The following BTNL9 variants were observed in gnomAD, a reference collection of about 807,000 sequenced individuals.
The protein encoded by BTNL9 is butyrophilin like 9, also known as butyrophilin-like protein 9.
BTNL9 carries 45 observed loss-of-function variants against 45.8 expected under a neutral mutation model. The observed-to-expected ratio is 0.98, with a 90% CI of 0.77 to 1.26. The LOEUF is 1.26. BTNL9 is among the 50% of genes most tolerant of loss of function. The pLI is 0.00. For missense variants in BTNL9, 784 were observed against 729.7 expected, an observed-to-expected ratio of 1.07 and a Z score of -0.86; for synonymous variants, 346 against 330.8, an observed-to-expected ratio of 1.05 and a Z score of -0.50.
chr5:181,054,029 C>T (rs1761736822), intron 6 of BTNL9: 3 of 1,542,720 alleles, frequency 1.9e-6, no homozygotes, highest in Non-Finnish European at 2.6e-6. Flanking sequence ...GGGTCACCCT[C>T]CTATGCAGAA....
At chr5:181,049,772 A>C (rs1047614152) in intron 3 of BTNL9, among the ~76,000 whole-genome samples, 2 of 152,234 alleles carry the variant, frequency 1.3e-5, no homozygotes, top group African/African-American at 4.8e-5. Context: ...ATTAGAATTT[A>C]GGGTGCTGCT....
rs1022271003 is a variant in BTNL9, at chr5:181,054,859, A to G, written c.908-574A>G. Reference sequence around the variant, plus strand: ...ATAGCCCTAATAAGTCATTAAGGCTATAGTCTGAATTGTAAGTCATAACAC... The same window carrying G: ...ATAGCCCTAATAAGTCATTAAGGCTGTAGTCTGAATTGTAAGTCATAACAC... On this transcript the variant is annotated intron_variant, in intron 7 of 10. Transcript: ENST00000327705. 9.1e-6 allele frequency: 9 copies of G among 985,366 alleles called. No homozygotes were observed. The African/African-American group carries it at 1.4e-4, about 15-fold the overall frequency. The allele number at this position is 985,366 out of a possible 1,614,324, so 61.0% of individuals were successfully genotyped here.
At chr5:181,047,182 G>A (rs1181885620) in intron 2 of BTNL9, among the ~76,000 whole-genome samples, 1 of 152,190 alleles carries the variant, frequency 6.6e-6, no homozygotes, top group Non-Finnish European at 1.5e-5. Flanking sequence ...CGTGCGTGCG[G>A]AAGAACTGTG....
rs1762126591 is a variant in BTNL9, at chr5:181,061,291, C to T, written c.*1429C>T. ...GACAACACTTGGTGACTCTAGGTGA[C>T]TGGTCGACAGATGTTCATTGTACTA... On this transcript the variant is annotated 3_prime_UTR_variant, in exon 11 of 11. Transcript: ENST00000327705. The T allele has an allele frequency of 6.6e-6, 1 of 152,162 alleles. No homozygotes were observed. Among genetic ancestry groups the T allele is most frequent in the Admixed American group, 6.5e-5 (1 of 15,284 alleles). The allele number at this position is 152,162 out of a possible 1,614,324, so 9.4% of individuals were successfully genotyped here. A position where few individuals can be genotyped will look rare whatever the true frequency, so the allele number is the denominator to read the frequency against.
At chr5:181,044,202 C>T (rs922781409) in intron 1 of BTNL9, among the ~76,000 whole-genome samples, 1 of 152,188 alleles carries the variant, frequency 6.6e-6, no homozygotes, top group South Asian at 2.1e-4. Flanking sequence ...TGCACACCTC[C>T]TCTGATCCTT....
intron 9 of BTNL9, 92 bp downstream of exon 9, chr5:181,056,107 G>T (rs1761871183): frequency 2.1e-6 from 3 of 1,454,532 alleles, no homozygotes; most frequent in Non-Finnish European, 2.9e-6. Context: ...GCTTCATTCT[G>T]GTTGCATTCC....
chr5:181,056,956 C>T (rs969982722), intron 9 of BTNL9: 19 of 231,650 alleles, frequency 8.2e-5, no homozygotes, highest in Admixed American at 3.3e-4. Flanking sequence ...ATCACTGACC[C>T]ATTTTTCTTA....
chr5:181,045,751 C>T (rs1305615190), intron 2 of BTNL9, among the ~76,000 whole-genome samples, 153 bp downstream of exon 2: 5 of 151,888 alleles, frequency 3.3e-5, no homozygotes, highest in East Asian at 3.9e-4. Context: ...GCCACTACCC[C>T]GAGCATTACC....
Position 181,055,585 on chromosome 5 carries a change from C to T in BTNL9, c.928+132C>T, listed in dbSNP as rs1482502568. 4.8e-6 allele frequency: 5 copies of T among 1,038,410 alleles called. No individual in the cohort carries two copies. The Admixed American group carries it at 9.0e-5, about 19-fold the overall frequency. 64.3% of individuals were successfully genotyped at this position (1,038,410 alleles called of 1,614,324 possible). ...GAGATCGAGACCAGCCTGGCTAACA[C>T]AGTGAAACCCCGTCTCTTCTAAAAA... On this transcript the variant is annotated intron_variant, in intron 8 of 10. Coordinates refer to ENST00000327705, the MANE Select transcript of BTNL9 (RefSeq NM_152547.5). The surrounding 1 kb of genome is among the most constrained non-coding windows in gnomAD (Gnocchi z 4.4).
intron 9 of BTNL9, chr5:181,057,178 T>G (rs1761928787): frequency 6.6e-6 from 1 of 152,188 alleles, no homozygotes; most frequent in Non-Finnish European, 1.5e-5. Context: ...AACTTTTTCT[T>G]TATGGTTTGT....
intron 6 of BTNL9, chr5:181,054,025 C>T: frequency 1.9e-6 from 3 of 1,542,096 alleles, no homozygotes; most frequent in South Asian, 2.4e-5. Flanking sequence ...CGCTGGGTCA[C>T]CCTCCTATGC....
chr5:181,053,372 G>A lies in BTNL9; in HGVS notation c.853+56G>A, dbSNP rs1202985030. 2 of 1,513,286 alleles carry A rather than the reference G, an allele frequency of 1.3e-6. No individual in the cohort carries two copies. The highest frequency in any genetic ancestry group is 2.5e-5 in the East Asian group (1 of 39,792). The allele number at this position is 1,513,286 out of a possible 1,614,324, so 93.7% of individuals were successfully genotyped here. A position where few individuals can be genotyped will look rare whatever the true frequency, so the allele number is the denominator to read the frequency against. On this transcript the variant is annotated intron_variant, in intron 5 of 10. Transcript: ENST00000327705. The surrounding 1 kb of genome is among the most constrained non-coding windows in gnomAD (Gnocchi z 6.5). ...GCACCGGCCGGTGCTGAACCCCGGG[G>A]CCGCGGAGGCGCCTCCCCCCAGGAC... is the stretch of plus-strand genomic sequence containing the variant.
At chr5:181,059,044 TCAAA>T (rs1762023031) in intron 10 of BTNL9, 189 bp from the exon 11 acceptor site, 2 of 507,270 alleles carry the variant, frequency 3.9e-6, no homozygotes, top group Non-Finnish European at 5.1e-6. Flanking sequence ...CTTGTCACTA[TCAAA>T]CACTCAGGAG....
rs999381646 is a variant in BTNL9, at chr5:181,053,396, A to G, written c.854-73A>G. 1.3e-6 allele frequency: 2 copies of G among 1,530,422 alleles called. No homozygotes were observed. Among genetic ancestry groups the G allele is most frequent in the Non-Finnish European group, 8.8e-7 (1 of 1,136,974 alleles). The allele number at this position is 1,530,422 out of a possible 1,614,324, so 94.8% of individuals were successfully genotyped here. A position where few individuals can be genotyped will look rare whatever the true frequency, so the allele number is the denominator to read the frequency against. On this transcript the variant is annotated intron_variant, in intron 5 of 10. Coordinates refer to ENST00000327705, the MANE Select transcript of BTNL9 (RefSeq NM_152547.5). The surrounding 1 kb of genome is among the most constrained non-coding windows in gnomAD (Gnocchi z 6.5). Reference sequence around the variant, plus strand: ...GGCCGCGGAGGCGCCTCCCCCCAGGACGCGGCGCGGGAAGGCGGCCTGGAA... The same window carrying G: ...GGCCGCGGAGGCGCCTCCCCCCAGGGCGCGGCGCGGGAAGGCGGCCTGGAA...
chr5:181,046,909 G>T (rs924422245), intron 2 of BTNL9, among the ~76,000 whole-genome samples: 3 of 152,178 alleles, frequency 2.0e-5, no homozygotes, highest in South Asian at 2.1e-4. Flanking sequence ...GTCAGACATC[G>T]GTGTGTGGAG....
intron 1 of BTNL9, among the ~76,000 whole-genome samples, chr5:181,044,719 G>C (rs1220139968): frequency 6.6e-6 from 1 of 152,230 alleles, no homozygotes; most frequent in Non-Finnish European, 1.5e-5. Context: ...TCCCAAGGGA[G>C]CAGAGCATCA....
In BTNL9 at chr5:181,055,880, A is replaced by T; in HGVS notation, c.929-109A>T. 1 of 1,265,250 alleles carries T rather than the reference A, an allele frequency of 7.9e-7. No homozygotes were observed. Among genetic ancestry groups the T allele is most frequent in the Non-Finnish European group, 1.2e-6 (1 of 861,996 alleles). 78.4% of individuals were successfully genotyped at this position (1,265,250 alleles called of 1,614,324 possible). A position where few individuals can be genotyped will look rare whatever the true frequency, so the allele number is the denominator to read the frequency against. On this transcript the variant is annotated intron_variant, in intron 8 of 10. Transcript: ENST00000327705. The surrounding 1 kb of genome is among the most constrained non-coding windows in gnomAD (Gnocchi z 4.4). ...TGCCCAGGCAGGACCCCTGCTGGCT[A>T]TGTGGGTGGTGGGGGGTGCGGGACA...
intron 1 of BTNL9, among the ~76,000 whole-genome samples, chr5:181,044,356 G>A (rs1760972196): frequency 6.6e-6 from 1 of 152,172 alleles, no homozygotes; most frequent in Admixed American, 6.5e-5. Flanking sequence ...GCCAAGCCGT[G>A]GGGGCCGACG....
rs1284996719 is a variant in BTNL9 at position 181,045,473 on chromosome 5, C to A, written c.-17C>A. 9 of 1,559,030 alleles carry A rather than the reference C, an allele frequency of 5.8e-6. No individual in the cohort carries two copies. The highest frequency in any genetic ancestry group is 1.7e-5 in the Admixed American group (1 of 59,890). The stretch of plus-strand genomic sequence containing the variant: ...CCCCTTTGTCCCTCTCCAGGTGGCC[C>A]CCACTGCTGACGAGAGATGGTGGAC... On this transcript the variant is annotated 5_prime_UTR_variant, in exon 2 of 11. Transcript: ENST00000327705.
Sources: gnomAD v4.1 joint callset for allele counts (sites outside exome capture counted in the v4.1 genomes callset) on GRCh38, gnomAD v4.1.1 for gene constraint, Gnocchi (gnomAD v3.1) non-coding constraint, MANE v1.5 for transcripts, NCBI Gene and HGNC (gene_info 2026-07-23, HGNC 2026-07-21) for gene names.